TRAPPC9: variants seen among roughly 807,000 people sequenced by gnomAD.
TRAPPC9 encodes the protein IKK2 binding protein.
A neutral mutation model predicts 124.0 loss-of-function variants in TRAPPC9; 83 were observed. That is an observed-to-expected ratio of 0.67 (90% confidence interval 0.56 to 0.80). The LOEUF is 0.80. TRAPPC9 is among the 30% of genes least tolerant of loss of function. TRAPPC9 has a pLI of 0.00. For missense variants in TRAPPC9, 1,302 were observed against 1,508.3 expected, an observed-to-expected ratio of 0.86 and a Z score of 2.27; for synonymous variants, 638 against 617.5, an observed-to-expected ratio of 1.03 and a Z score of -0.49.
intron 2 of TRAPPC9, among the ~76,000 whole-genome samples, chr8:140,450,350 G>A (rs936271348): frequency 6.6e-6 from 1 of 152,072 alleles, no homozygotes; most frequent in African/African-American, 2.4e-5. Flanking sequence ...GACAGAGTAA[G>A]ACTCTGTCTC....
intron 17 of TRAPPC9, among the ~76,000 whole-genome samples, chr8:140,051,576 CTTTTTTTTT>C (rs1197128988): frequency 6.8e-5 from 6 of 88,020 alleles, no homozygotes; most frequent in South Asian, 4.2e-4. Flanking sequence ...ATTGTTCATT[CTTTTTTTTT>C]TTTTTTTTTT....
chr8:140,139,409 G>A lies in TRAPPC9; in HGVS notation c.2556+82050C>T, dbSNP rs1430167365. The stretch of plus-strand genomic sequence containing the variant: ...TCATAAAGAGAGACACAGAATTTCC[G>A]ATCCAGCATTTCACACGGGGGTTAT... On this transcript the variant is annotated intron_variant, in intron 17 of 22. Transcript: ENST00000438773. 6.6e-5 allele frequency among the ~76,000 whole-genome samples: 10 copies of A among 152,216 alleles called. No individual in the cohort carries two copies. The East Asian group carries it at 1.2e-3, about 18-fold the overall frequency.
intron 17 of TRAPPC9, among the ~76,000 whole-genome samples, chr8:140,149,961 G>C (rs960824550): frequency 2.6e-5 from 4 of 152,150 alleles, no homozygotes; most frequent in Non-Finnish European, 5.9e-5. Context: ...GGTAAGAGGA[G>C]GAACCAGGAG....
chr8:140,268,728 TG>T (rs2064774645), intron 15 of TRAPPC9, among the ~76,000 whole-genome samples: 1 of 152,164 alleles, frequency 6.6e-6, no homozygotes, highest in Non-Finnish European at 1.5e-5. Flanking sequence ...TCAGACTGAC[TG>T]GGGACCCGAC....
At position 139,831,472 on chromosome 8, in the gene TRAPPC9, CTCAG is replaced by C. The variant is rs374994939; in HGVS notation, c.3055+54403_3055+54406del. Among the ~76,000 whole-genome samples the C allele has an allele frequency of 3.0e-4, 45 of 152,336 alleles. No individual in the cohort carries two copies. In the East Asian group the frequency reaches 4.6e-3, roughly 16 times the overall value. On this transcript the variant is annotated intron_variant, in intron 21 of 22. Transcript: ENST00000438773. ...AAGCACGCACACTAACACACACACG[CTCAG>C]TCACACACAGGCATGCATAAACACA...
rs558028096 is a variant in TRAPPC9, at chr8:140,354,652, G to A, written c.1495+5398C>T. On this transcript the variant is annotated intron_variant, in intron 9 of 22. Coordinates refer to ENST00000438773, the MANE Select transcript of TRAPPC9 (RefSeq NM_001160372.4). ...CCTGGGGTCACGTTTTTCCATTCCTGGCTGCTCTTCTATTCCATACTTTAT... is the reference window on the plus strand; with the variant it reads ...CCTGGGGTCACGTTTTTCCATTCCTAGCTGCTCTTCTATTCCATACTTTAT... Among the ~76,000 whole-genome samples, 65 of 152,220 alleles carry A rather than the reference G, an allele frequency of 4.3e-4. 2 individuals are homozygous for A. Among genetic ancestry groups the A allele is most frequent in the Admixed American group, 4.3e-3 (65 of 15,292 alleles).
chr8:140,159,859 G>A (rs1034926371), intron 17 of TRAPPC9, among the ~76,000 whole-genome samples: 1 of 152,284 alleles, frequency 6.6e-6, no homozygotes, highest in East Asian at 1.9e-4. Flanking sequence ...TCTTCCTCAC[G>A]CCGCCAGGGA....
chr8:139,841,960 G>A (rs1374877070), intron 21 of TRAPPC9, among the ~76,000 whole-genome samples: 1 of 152,220 alleles, frequency 6.6e-6, no homozygotes, highest in East Asian at 1.9e-4. Flanking sequence ...GGGTGGAGAG[G>A]ACTGAGCAAG....
intron 21 of TRAPPC9, among the ~76,000 whole-genome samples, chr8:139,768,002 TG>T (rs1205107403): frequency 1.3e-5 from 2 of 152,228 alleles, no homozygotes; most frequent in Non-Finnish European, 2.9e-5. Flanking sequence ...ATTGTTAATA[TG>T]GGCAGATTTA....
rs550313644 is a variant in TRAPPC9, at chr8:140,135,264, A to G, written c.2556+86195T>C. On this transcript the variant is annotated intron_variant, in intron 17 of 22. Coordinates refer to ENST00000438773, the MANE Select transcript of TRAPPC9 (RefSeq NM_001160372.4). ...GTGGAAACTTTTGGTAGTTCCTCCA[A>G]AAACTAAGCATAGAATCCTCGTAAG... Among the ~76,000 whole-genome samples, 7 of 152,338 alleles carry G rather than the reference A, an allele frequency of 4.6e-5. No individual in the cohort carries two copies. In the South Asian group the frequency reaches 1.5e-3, roughly 32 times the overall value.
chr8:140,375,813 T>C (rs1435637131), intron 7 of TRAPPC9, among the ~76,000 whole-genome samples: 2 of 152,132 alleles, frequency 1.3e-5, no homozygotes, highest in Non-Finnish European at 2.9e-5. Context: ...CTTGCAGTGA[T>C]CAGAAGAACA....
At chr8:140,191,481 C>A (rs1001005055) in intron 17 of TRAPPC9, among the ~76,000 whole-genome samples, 1 of 152,168 alleles carries the variant, frequency 6.6e-6, no homozygotes, top group South Asian at 2.1e-4. Context: ...CCTTTGGTGA[C>A]AAGTGAGTTC....
At chr8:140,151,806 C>A (rs73361195) in intron 17 of TRAPPC9, among the ~76,000 whole-genome samples, 1,702 of 152,282 alleles carry the variant, frequency 0.011, 31 homozygotes, top group African/African-American at 0.038. Flanking sequence ...ATCTCCACCC[C>A]ACAATGACAG....
chr8:140,311,245 C>T lies in TRAPPC9; in HGVS notation c.1622+3G>A. On this transcript the variant is annotated splice_donor_region_variant and intron_variant, in intron 10 of 22. Coordinates refer to ENST00000438773, the MANE Select transcript of TRAPPC9 (RefSeq NM_001160372.4). ...CTTTCCGGCTCTGCAGTGCCCATCTCACCTGACGATGGGAAGCTTGGTGAA... is the reference window on the plus strand; with the variant it reads ...CTTTCCGGCTCTGCAGTGCCCATCTTACCTGACGATGGGAAGCTTGGTGAA... The T allele has an allele frequency of 6.2e-7, 1 of 1,610,348 alleles. No homozygotes were observed. The highest frequency in any genetic ancestry group is 8.5e-7 in the Non-Finnish European group (1 of 1,179,940).
chr8:140,053,081 TG>T, intron 17 of TRAPPC9, among the ~76,000 whole-genome samples: 1 of 152,244 alleles, frequency 6.6e-6, no homozygotes, highest in Non-Finnish European at 1.5e-5. Context: ...CACAAATGAA[TG>T]TAGGAGGAAT....
chr8:140,173,424 G>A (rs1402367524), intron 17 of TRAPPC9, among the ~76,000 whole-genome samples: 2 of 151,998 alleles, frequency 1.3e-5, no homozygotes, highest in Non-Finnish European at 2.9e-5. Context: ...CTTGGTGGCG[G>A]GTGCCTGTAG....
At chr8:140,201,607 A>T (rs938919948) in intron 17 of TRAPPC9, among the ~76,000 whole-genome samples, 1 of 152,238 alleles carries the variant, frequency 6.6e-6, no homozygotes, top group Non-Finnish European at 1.5e-5. Flanking sequence ...AATTTCAAAT[A>T]TTATATCTCA....
At chr8:140,156,899 C>T (rs2061640242) in intron 17 of TRAPPC9, among the ~76,000 whole-genome samples, 1 of 152,198 alleles carries the variant, frequency 6.6e-6, no homozygotes, top group African/African-American at 2.4e-5. Context: ...ATAAAATGAG[C>T]AGAAAGCTAT....
At chr8:139,834,710 G>A (rs1044596295) in intron 21 of TRAPPC9, among the ~76,000 whole-genome samples, 5 of 152,222 alleles carry the variant, frequency 3.3e-5, no homozygotes, top group Non-Finnish European at 1.5e-5. Context: ...GTCCTGCCTG[G>A]CAGGCTGCAA....
Sources: allele counts gnomAD v4.1 joint callset (sites outside exome capture counted in the v4.1 genomes callset), GRCh38; gene constraint gnomAD v4.1.1; transcripts MANE v1.5; gene names NCBI Gene and HGNC (gene_info 2026-07-23, HGNC 2026-07-21).